FBLN5: variants seen among roughly 807,000 people sequenced by gnomAD.
FBLN5 encodes fibulin 5.
A neutral mutation model predicts 61.6 loss-of-function variants in FBLN5; 24 were observed. The ratio of observed to expected loss-of-function variants is 0.39; its 90% CI spans 0.28 to 0.55. The LOEUF (loss-of-function observed/expected upper bound fraction) is 0.55. FBLN5 is among the 20% of genes least tolerant of loss of function. FBLN5 has a pLI of 0.65. For missense variants in FBLN5, 470 were observed against 594.1 expected (o/e 0.79, Z 2.17); for synonymous variants, 213 against 219.8 (o/e 0.97, Z 0.27).
At chr14:91,887,847 G>A (rs1889797906) in intron 6 of FBLN5, among the ~76,000 whole-genome samples, 1 of 152,324 alleles carries the variant, frequency 6.6e-6, no homozygotes, top group Admixed American at 6.5e-5. Flanking sequence ...AGGTTAAGTA[G>A]GTTAAGGAGA....
At chr14:91,922,321 A>C (rs1015023582) in intron 4 of FBLN5, among the ~76,000 whole-genome samples, 1 of 131,896 alleles carries the variant, frequency 7.6e-6, no homozygotes, top group African/African-American at 3.8e-5. Context: ...AAAGTAAATA[A>C]ATAAATAAAT....
chr14:91,884,621 G>A (rs988093279), intron 7 of FBLN5, among the ~76,000 whole-genome samples: 4 of 152,226 alleles, frequency 2.6e-5, no homozygotes, highest in African/African-American at 9.6e-5. Context: ...CCAGTAAGGA[G>A]GAAAGCTGGG....
intron 2 of FBLN5, among the ~76,000 whole-genome samples, chr14:91,941,840 C>T (rs1285313737): frequency 6.6e-6 from 1 of 152,118 alleles, no homozygotes; most frequent in East Asian, 1.9e-4. Flanking sequence ...ATCTATATAA[C>T]GTGCCTAAAG....
rs376286125 is a variant in FBLN5, at chr14:91,926,403, GC to G, written c.379+10543del. Among the ~76,000 whole-genome samples the G allele has an allele frequency of 3.4e-4, 52 of 152,318 alleles. No homozygotes were observed. In the East Asian group the frequency reaches 7.9e-3, roughly 23 times the overall value. On this transcript the variant is annotated intron_variant, in intron 4 of 10. Coordinates refer to ENST00000342058, the MANE Select transcript of FBLN5 (RefSeq NM_006329.4). ...GCCTGCCAGGCCTGGGCACCGCGTGGCCTGTGTGGTACATGTGTCCACAGAG... is the reference window on the plus strand; with the variant it reads ...GCCTGCCAGGCCTGGGCACCGCGTGGCTGTGTGGTACATGTGTCCACAGAG...
At chr14:91,935,457 T>C (rs1200483309) in intron 4 of FBLN5, among the ~76,000 whole-genome samples, 1 of 152,232 alleles carries the variant, frequency 6.6e-6, no homozygotes, top group Non-Finnish European at 1.5e-5. Context: ...TAAGGGCTGA[T>C]CACTTGGCTT....
intron 4 of FBLN5, among the ~76,000 whole-genome samples, chr14:91,916,822 C>T (rs899700592): frequency 5.9e-5 from 9 of 152,280 alleles, no homozygotes; most frequent in Admixed American, 3.3e-4. Flanking sequence ...CTTGCCCTCC[C>T]ACCATCCAAA....
At chr14:91,873,729 C>G (rs1889044608) in intron 10 of FBLN5, 1 of 152,292 alleles carries the variant, frequency 6.6e-6, no homozygotes, top group African/African-American at 2.4e-5. Context: ...CTTGACCACG[C>G]TGGGAGTCGG....
rs373137656 is a variant in FBLN5, at chr14:91,882,860, C to A, written c.862+94G>T. ...CACCCCTGCCACCTTCCCAAAGCTG[C>A]ACATGATTCCCCAGGTGAGGATATC... On this transcript the variant is annotated intron_variant, in intron 8 of 10. Coordinates refer to ENST00000342058, the MANE Select transcript of FBLN5 (RefSeq NM_006329.4). This position sits in a 1 kb window ranked among gnomAD's most constrained non-coding sequence, Gnocchi z 4.9. The A allele has an allele frequency of 1.7e-5, 25 of 1,459,758 alleles. No homozygotes were observed. In the African/African-American group the frequency reaches 2.5e-4, roughly 15 times the overall value. 90.4% of individuals were successfully genotyped at this position (1,459,758 alleles called of 1,614,324 possible). A position where few individuals can be genotyped will look rare whatever the true frequency, so the allele number is the denominator to read the frequency against.
At chr14:91,922,661 T>C (rs1277737595) in intron 4 of FBLN5, among the ~76,000 whole-genome samples, 2 of 152,140 alleles carry the variant, frequency 1.3e-5, no homozygotes, top group Non-Finnish European at 2.9e-5. Context: ...TGAGGTGGGA[T>C]TTTCCAGAGA....
intron 10 of FBLN5, chr14:91,874,056 G>A (rs1426758389): frequency 6.6e-6 from 1 of 152,214 alleles, no homozygotes; most frequent in Non-Finnish European, 1.5e-5. Flanking sequence ...TTATGAATGG[G>A]CTTGTGTGTG....
At chr14:91,924,892 G>T (rs1423811266) in intron 4 of FBLN5, among the ~76,000 whole-genome samples, 3 of 152,072 alleles carry the variant, frequency 2.0e-5, no homozygotes, top group Non-Finnish European at 4.4e-5. Context: ...CCCTCACTCA[G>T]CTCAGATGCA....
Position 91,877,405 on chromosome 14 carries a change from T to C in FBLN5, c.1185+82A>G, listed in dbSNP as rs1212659177. ...CCTGTCCCCCAGCCCCACTCTTACC[T>C]GCTTGCATACAGCACGTTCCTAGGA... On this transcript the variant is annotated intron_variant, in intron 10 of 10. Coordinates refer to ENST00000342058, the MANE Select transcript of FBLN5 (RefSeq NM_006329.4). 2.1e-5 allele frequency: 25 copies of C among 1,172,328 alleles called. No homozygotes were observed. In the South Asian group the frequency reaches 2.8e-4, roughly 13 times the overall value. The allele number at this position is 1,172,328 out of a possible 1,614,324, so 72.6% of individuals were successfully genotyped here.
intron 4 of FBLN5, among the ~76,000 whole-genome samples, chr14:91,930,559 A>T (rs1439146419): frequency 6.6e-6 from 1 of 152,100 alleles, no homozygotes; most frequent in Non-Finnish European, 1.5e-5. Context: ...TGTTTCACGC[A>T]TTTTCCTTCT....
intron 4 of FBLN5, among the ~76,000 whole-genome samples, chr14:91,901,609 C>A (rs1312532350): frequency 6.6e-6 from 1 of 152,136 alleles, no homozygotes; most frequent in Non-Finnish European, 1.5e-5. Context: ...CAAGACGAGC[C>A]CAGCCAAGGC....
intron 4 of FBLN5, among the ~76,000 whole-genome samples, chr14:91,918,507 C>T (rs1243762438): frequency 1.3e-5 from 2 of 152,212 alleles, no homozygotes; most frequent in South Asian, 2.1e-4. Flanking sequence ...AAGAGGAATT[C>T]GATTTGAACT....
In FBLN5 at chr14:91,870,343, T is replaced by C. The variant is rs1057522892; in HGVS notation, c.1228A>G (p.Ile410Val). 5.0e-6 allele frequency: 8 copies of C among 1,613,994 alleles called. No homozygotes were observed. The highest frequency in any genetic ancestry group is 1.3e-5 in the African/African-American group (1 of 74,936). Residue 410 changes from isoleucine to valine, a missense_variant, in exon 11 of 11, where the codon ATC (isoleucine) becomes GTC (valine). Transcript: ENST00000342058. ...AGCTGGATTTCCCGGGGCCCTTTGATGGGGCGTGTCATCACCAGGGTGGCA... is the reference window on the plus strand; with the variant it reads ...AGCTGGATTTCCCGGGGCCCTTTGACGGGGCGTGTCATCACCAGGGTGGCA... ...ISATLVMTRP[I>V]KGPREIQLDL...
intron 1 of FBLN5, among the ~76,000 whole-genome samples, chr14:91,946,106 T>G: frequency 1.4e-5 from 2 of 143,150 alleles, no homozygotes; most frequent in South Asian, 2.5e-4. Flanking sequence ...CGCAGCCCCA[T>G]TCCCTTTGGC....
chr14:91,882,860 C>T lies in FBLN5; in HGVS notation c.862+94G>A. ...CACCCCTGCCACCTTCCCAAAGCTGCACATGATTCCCCAGGTGAGGATATC... is the reference window on the plus strand; with the variant it reads ...CACCCCTGCCACCTTCCCAAAGCTGTACATGATTCCCCAGGTGAGGATATC... On this transcript the variant is annotated intron_variant, in intron 8 of 10. Transcript: ENST00000342058. This position sits in a 1 kb window ranked among gnomAD's most constrained non-coding sequence, Gnocchi z 4.9. 6.9e-7 allele frequency: 1 copy of T among 1,459,760 alleles called. No homozygotes were observed. Among genetic ancestry groups the T allele is most frequent in the South Asian group, 1.2e-5 (1 of 83,834 alleles). The allele number at this position is 1,459,760 out of a possible 1,614,324, so 90.4% of individuals were successfully genotyped here. A position where few individuals can be genotyped will look rare whatever the true frequency, so the allele number is the denominator to read the frequency against.
At chr14:91,917,234 T>C (rs1212397050) in intron 4 of FBLN5, among the ~76,000 whole-genome samples, 1 of 152,240 alleles carries the variant, frequency 6.6e-6, no homozygotes, top group Non-Finnish European at 1.5e-5. Flanking sequence ...CTTAAGCCCT[T>C]GCCCTCAGGC....
Sources: allele counts gnomAD v4.1 joint callset (sites outside exome capture counted in the v4.1 genomes callset), GRCh38; gene constraint gnomAD v4.1.1; non-coding constraint Gnocchi (gnomAD v3.1); transcripts MANE v1.5; gene names NCBI Gene and HGNC (gene_info 2026-07-23, HGNC 2026-07-21).